Variants in SYT1 observed in about 807,000 individuals in gnomAD.
The protein encoded by SYT1 is synaptotagmin-1.
SYT1 carries 8 observed loss-of-function variants against 44.8 expected under a neutral mutation model. The observed-to-expected ratio is 0.18, with a 90% CI of 0.10 to 0.32. The LOEUF is 0.32. Ranked by LOEUF, SYT1 falls within the 10% of genes least tolerant of loss-of-function variation. The pLI, the probability that SYT1 is intolerant of heterozygous loss-of-function variation, is 1.00. For synonymous variants in SYT1, 154 were observed against 188.8 expected (o/e 0.82, Z 1.51); for missense variants, 286 against 509.3 (o/e 0.56, Z 4.22).
intron 3 of SYT1, among the ~76,000 whole-genome samples, chr12:79,056,727 A>T (rs1290022362): frequency 3.3e-5 from 5 of 152,228 alleles, no homozygotes; most frequent in Admixed American, 3.3e-4. Context: ...ATTTTAAAAA[A>T]TAATAAAATT....
At chr12:79,192,192 A>G (rs1288021305) in intron 3 of SYT1, among the ~76,000 whole-genome samples, 1 of 152,192 alleles carries the variant, frequency 6.6e-6, no homozygotes, top group African/African-American at 2.4e-5. Flanking sequence ...GTGAGAAGGA[A>G]CAGGAGTGTG....
intron 2 of SYT1, among the ~76,000 whole-genome samples, chr12:79,041,838 T>C (rs1873605328): frequency 6.6e-6 from 1 of 151,898 alleles, no homozygotes; most frequent in Non-Finnish European, 1.5e-5. Context: ...GCATGAAGGG[T>C]TGTTGAATTT....
At chr12:79,157,555 T>C (rs1006949501) in intron 3 of SYT1, among the ~76,000 whole-genome samples, 1 of 152,186 alleles carries the variant, frequency 6.6e-6, no homozygotes, top group Non-Finnish European at 1.5e-5. Context: ...ATATGATAAA[T>C]ATGTGCTTCC....
intron 3 of SYT1, among the ~76,000 whole-genome samples, chr12:79,199,649 G>A (rs1043401089): frequency 3.3e-5 from 5 of 151,886 alleles, no homozygotes; most frequent in African/African-American, 1.2e-4. Flanking sequence ...GAAAAATCAC[G>A]AGCAAATTCA....
chr12:79,265,243 G>C (rs1429098191), intron 4 of SYT1, among the ~76,000 whole-genome samples: 1 of 151,808 alleles, frequency 6.6e-6, no homozygotes, highest in African/African-American at 2.4e-5. Context: ...CTCTCCACCT[G>C]GCTCTCATTT....
chr12:79,338,303 A>C (rs1296986044), intron 8 of SYT1, among the ~76,000 whole-genome samples: 3 of 141,924 alleles, frequency 2.1e-5, no homozygotes, highest in Non-Finnish European at 4.5e-5. Context: ...TTGAGACAGG[A>C]TCTCACTCTG....
At chr12:79,255,512 A>G (rs1199964055) in intron 4 of SYT1, among the ~76,000 whole-genome samples, 1 of 152,162 alleles carries the variant, frequency 6.6e-6, no homozygotes, top group Non-Finnish European at 1.5e-5. Context: ...CAAGCCTGCA[A>G]TATCTGTAAG....
chr12:79,137,118 G>A (rs553586814), intron 3 of SYT1, among the ~76,000 whole-genome samples: 4 of 150,696 alleles, frequency 2.7e-5, no homozygotes, highest in South Asian at 2.1e-4. Flanking sequence ...TCCCCAAGAT[G>A]GAGTTTCACT....
intron 10 of SYT1, among the ~76,000 whole-genome samples, chr12:79,447,779 C>G (rs922855460): frequency 1.3e-5 from 2 of 152,154 alleles, no homozygotes; most frequent in African/African-American, 4.8e-5. Flanking sequence ...ATTCTAAATT[C>G]CACTTGCAGA....
intron 4 of SYT1, among the ~76,000 whole-genome samples, chr12:79,218,993 G>C (rs1160665168): frequency 2.0e-5 from 3 of 152,078 alleles, no homozygotes; most frequent in Non-Finnish European, 1.5e-5. Flanking sequence ...GTGTGCAAGG[G>C]TTCCCTTTTC....
chr12:78,864,353 G>GT (rs1209716343), upstream of SYT1: 6 of 87,960 alleles, frequency 6.8e-5, no homozygotes, highest in African/African-American at 2.4e-4. Context: ...TTGATTGAGA[G>GT]TAAAAAAAAA....
At chr12:79,176,262 C>T (rs1325083547) in intron 3 of SYT1, among the ~76,000 whole-genome samples, 1 of 146,996 alleles carries the variant, frequency 6.8e-6, no homozygotes. Flanking sequence ...TCACTCCAGC[C>T]TGGGCAACAA....
rs930551761 is a variant in SYT1, at chr12:79,259,799, C to A, written c.167-25988C>A. On this transcript the variant is annotated intron_variant, in intron 4 of 10. Transcript: ENST00000261205. ...CTTGATTATGTGGAGCCATATGGGG[C>A]AAAGTGCAAATATACCTTAGAACTA... is the stretch of plus-strand genomic sequence containing the variant. 7.2e-5 allele frequency among the ~76,000 whole-genome samples: 11 copies of A among 152,232 alleles called. No homozygotes were observed. In the East Asian group the frequency reaches 2.1e-3, roughly 29 times the overall value.
At chr12:79,196,944 G>T (rs1377966996) in intron 3 of SYT1, among the ~76,000 whole-genome samples, 1 of 152,218 alleles carries the variant, frequency 6.6e-6, no homozygotes, top group Non-Finnish European at 1.5e-5. Flanking sequence ...GATAGGCGAT[G>T]TTAATGCAAT....
At chr12:79,240,130 G>A (rs2138648361) in intron 4 of SYT1, among the ~76,000 whole-genome samples, 1 of 152,306 alleles carries the variant, frequency 6.6e-6, no homozygotes, top group African/African-American at 2.4e-5. Context: ...CATGTATGCA[G>A]GAGAGGGTAG....
chr12:79,378,315 C>T (rs1362373804), intron 9 of SYT1, among the ~76,000 whole-genome samples: 2 of 152,104 alleles, frequency 1.3e-5, no homozygotes, highest in East Asian at 3.9e-4. Context: ...CAGATATGAC[C>T]AACTTTTGAA....
At chr12:78,892,657 A>G (rs1875121474) in intron 1 of SYT1, among the ~76,000 whole-genome samples, 1 of 151,754 alleles carries the variant, frequency 6.6e-6, no homozygotes, top group Non-Finnish European at 1.5e-5. Context: ...AGAATTCAAA[A>G]GGAAGTCAAA....
intron 1 of SYT1, among the ~76,000 whole-genome samples, chr12:78,973,938 AATATATATATATATATATATATATATAT>A (rs869290804): frequency 2.4e-4 from 6 of 25,336 alleles, no homozygotes; most frequent in South Asian, 1.9e-3. Flanking sequence ...AAAAAAAAAA[AATATATATATATATATATATATATATAT>A]ATATATATAT....
chr12:79,168,501 G>A (rs976573542), intron 3 of SYT1, among the ~76,000 whole-genome samples: 1 of 152,002 alleles, frequency 6.6e-6, no homozygotes, highest in Non-Finnish European at 1.5e-5. Flanking sequence ...CTTTCACACA[G>A]AATATTGCTA....
Sources: gnomAD v4.1 joint callset for allele counts (sites outside exome capture counted in the v4.1 genomes callset) on GRCh38, gnomAD v4.1.1 for gene constraint, MANE v1.5 for transcripts, NCBI Gene and HGNC (gene_info 2026-07-23, HGNC 2026-07-21) for gene names.